Variants in FBN1 observed in about 807,000 individuals in gnomAD.
FBN1 encodes the protein fibrillin 1.
In FBN1, 29 loss-of-function variants were observed where a neutral mutation model predicts 365.1. That is an observed-to-expected ratio of 0.08 (90% CI 0.06 to 0.11). FBN1 has a LOEUF of 0.11. Ranked by LOEUF, FBN1 falls within the 10% of genes least tolerant of loss-of-function variation. The pLI is 1.00. For missense variants in FBN1, 2,476 were observed against 3,703.2 expected (o/e 0.67, Z 8.60); for synonymous variants, 1,210 against 1,270.5 (o/e 0.95, Z 1.01).
At chr15:48,606,922 T>C (rs996256215) in intron 4 of FBN1, among the ~76,000 whole-genome samples, 9 of 152,230 alleles carry the variant, frequency 5.9e-5, no homozygotes, top group African/African-American at 2.2e-4. Context: ...AGGAGTGGGT[T>C]GGTCATCTCG....
chr15:48,414,812 C>T (rs1041433675), intron 64 of FBN1, among the ~76,000 whole-genome samples: 3 of 151,046 alleles, frequency 2.0e-5, no homozygotes, highest in East Asian at 2.0e-4. Flanking sequence ...AGGAGAATCG[C>T]GTGAACCCGG....
At position 48,479,112 on chromosome 15, in the gene FBN1, G is replaced by T. The variant is rs16960993; in HGVS notation, c.3964+2543C>A. On this transcript the variant is annotated intron_variant, in intron 32 of 65. Coordinates refer to ENST00000316623, the MANE Select transcript of FBN1 (RefSeq NM_000138.5). ...ATACCTATCTCTACTTACATTAGTT[G>T]CCTGGAACATTATTAGCAAAGCCAT... Among the ~76,000 whole-genome samples the T allele has an allele frequency of 0.017, 2,606 of 152,206 alleles. 211 individuals carry two copies. In the East Asian group the frequency reaches 0.24, roughly 14 times the overall value.
At position 48,505,043 on chromosome 15, in the gene FBN1, C is replaced by T; in HGVS notation, c.1942G>A (p.Asp648Asn). Residue 648 changes from aspartate to asparagine, a missense_variant, in exon 16 of 66, where the codon GAT (aspartate) becomes AAT (asparagine). This residue lies in a region of FBN1 where 1,780 missense variants were observed against 2,840.8 expected (regional missense o/e 0.63). Transcript: ENST00000316623. Reference protein sequence around the residue: ...ECFPGLAVGLDGRVCVDTHMR... With the variant: ...ECFPGLAVGLNGRVCVDTHMR... ...TTCTTACCAACACACACACGGCCAT[C>T]CAGACCCACAGCCAGTCCAGGGAAG... 3 of 1,614,200 alleles carry T rather than the reference C, an allele frequency of 1.9e-6. No homozygotes were observed. Among genetic ancestry groups the T allele is most frequent in the Non-Finnish European group, 2.5e-6 (3 of 1,180,030 alleles).
In FBN1 at chr15:48,452,591, T is replaced by A. The variant is rs758725993; in HGVS notation, c.5516A>T (p.Tyr1839Phe). 1.2e-5 allele frequency: 19 copies of A among 1,614,048 alleles called. No homozygotes were observed. In the African/African-American group the frequency reaches 2.5e-4, roughly 22 times the overall value. The change falls in exon 45 of 66, where the codon TAC becomes TTC. Residue 1839 changes from tyrosine (Y) to phenylalanine (F), a missense_variant. Around this residue, in one of 5 missense-constraint regions of FBN1, gnomAD observed 1,780 missense variants for 2,840.8 expected, o/e 0.63. Transcript: ENST00000316623. ...GSYRCDCKPGYRFTSTGQCND... is the reference protein window; with the variant it reads ...GSYRCDCKPGFRFTSTGQCND... ...GCACTGTCCTGTGGAGGTGAAGCGG[T>A]AGCCGGGCTTACAGTCACAGCGGTA...
intron 2 of FBN1, among the ~76,000 whole-genome samples, chr15:48,632,480 C>T (rs776732674): frequency 4.6e-5 from 7 of 152,164 alleles, no homozygotes; most frequent in Non-Finnish European, 1.0e-4. Context: ...GTAATTTAAT[C>T]GCATTTACAA....
At chr15:48,539,529 A>C (rs538747206) in intron 6 of FBN1, among the ~76,000 whole-genome samples, 1 of 152,316 alleles carries the variant, frequency 6.6e-6, no homozygotes, top group East Asian at 1.9e-4. Context: ...AAACAGCATA[A>C]ATATATCAGA....
chr15:48,520,488 CT>C (rs199844620), intron 10 of FBN1, among the ~76,000 whole-genome samples, 170 bp downstream of exon 10: 4 of 151,438 alleles, frequency 2.6e-5, no homozygotes, highest in East Asian at 1.9e-4. Flanking sequence ...GTACAGACCC[CT>C]TTTTTTTTCC....
rs1363087788 is a variant in FBN1 at position 48,434,610 on chromosome 15, T to C, written c.6600A>G (p.Pro2200=). ...GAGATGTACCTTCACATGTCATCAT[T>C]GGACCGGGCTCAAATCCCTCCTCGC... The part of the protein sequence containing the change: ...CTCEEGFEPG[P]MMTCEDINEC... Residue 2200 remains proline, a synonymous_variant, in exon 54 of 66, where the codon CCA becomes CCG. Transcript: ENST00000316623. The C allele has an allele frequency of 1.2e-6, 2 of 1,613,814 alleles. No individual in the cohort carries two copies. The highest frequency in any genetic ancestry group is 8.5e-7 in the Non-Finnish European group (1 of 1,179,750).
In FBN1 at chr15:48,644,755, A is replaced by G. The variant is rs1371787168; in HGVS notation, c.15T>C (p.Arg5=). The G allele has an allele frequency of 1.2e-6, 2 of 1,611,176 alleles. No homozygotes were observed. Among genetic ancestry groups the G allele is most frequent in the African/African-American group, 2.7e-5 (2 of 75,018 alleles). MRRG[R]LLEIALGFTV... is the part of the protein sequence containing the mutation. The stretch of plus-strand genomic sequence containing the variant: ...TAAATCCCAGGGCGATCTCCAGCAG[A>G]CGCCCTCGACGCATGATGCCGAGCC... Residue 5 remains arginine (R), a synonymous_variant, in exon 2 of 66, where the codon CGT becomes CGC. Transcript: ENST00000316623.
intron 42 of FBN1, among the ~76,000 whole-genome samples, chr15:48,461,803 TAGTG>T (rs1331271004): frequency 4.6e-5 from 7 of 152,196 alleles, no homozygotes; most frequent in Non-Finnish European, 8.8e-5. Flanking sequence ...GGAAATAAAT[TAGTG>T]AGCTCTAAAA....
At chr15:48,547,599 A>G (rs2141369599) in intron 6 of FBN1, among the ~76,000 whole-genome samples, 1 of 152,308 alleles carries the variant, frequency 6.6e-6, no homozygotes, top group Middle Eastern at 3.4e-3. Flanking sequence ...AGACAGATAA[A>G]CGGCAGGGAG....
chr15:48,479,126 T>G (rs554198937), intron 32 of FBN1, among the ~76,000 whole-genome samples: 1 of 152,220 alleles, frequency 6.6e-6, no homozygotes, highest in East Asian at 1.9e-4. Flanking sequence ...GGAACATTAT[T>G]AGCAAAGCCA....
intron 9 of FBN1, among the ~76,000 whole-genome samples, chr15:48,523,148 G>T (rs186181755): frequency 1.7e-4 from 26 of 152,352 alleles, no homozygotes; most frequent in Admixed American, 1.5e-3. Context: ...AATGGGAAGA[G>T]ATATTCAAAA....
At chr15:48,585,563 C>G (rs1156637558) in intron 6 of FBN1, among the ~76,000 whole-genome samples, 1 of 152,162 alleles carries the variant, frequency 6.6e-6, no homozygotes, top group African/African-American at 2.4e-5. Flanking sequence ...TAAACACTCC[C>G]TCTCATCGAC....
intron 24 of FBN1, among the ~76,000 whole-genome samples, chr15:48,491,155 C>A (rs1187564046): frequency 6.6e-6 from 1 of 152,140 alleles, no homozygotes; most frequent in Non-Finnish European, 1.5e-5. Flanking sequence ...TCTTCCTAAA[C>A]AAATAAACTA....
At chr15:48,467,899 G>A in intron 38 of FBN1, 39 bp downstream of exon 38, 1 of 1,566,824 alleles carries the variant, frequency 6.4e-7, no homozygotes, top group Non-Finnish European at 8.8e-7. Context: ...AGAACTGGCT[G>A]GAGTTGAAAT....
intron 2 of FBN1, among the ~76,000 whole-genome samples, chr15:48,623,976 C>CAG (rs925341532): frequency 6.6e-6 from 1 of 151,340 alleles, no homozygotes; most frequent in Non-Finnish European, 1.5e-5. Context: ...CAAACACACA[C>CAG]ACACACACAC....
intron 9 of FBN1, among the ~76,000 whole-genome samples, chr15:48,524,168 T>C (rs550247053): frequency 1.2e-4 from 18 of 152,100 alleles, no homozygotes; most frequent in African/African-American, 4.1e-4. Flanking sequence ...ACAGGCAATA[T>C]TACAAATGCC....
intron 6 of FBN1, among the ~76,000 whole-genome samples, chr15:48,566,454 G>C (rs2140664286): frequency 6.6e-6 from 1 of 152,170 alleles, no homozygotes; most frequent in East Asian, 1.9e-4. Flanking sequence ...AGTTAAACAA[G>C]ACCCCCACCC....
Sources: gnomAD v4.1 joint callset for allele counts (sites outside exome capture counted in the v4.1 genomes callset) on GRCh38, gnomAD v4.1.1 for gene constraint, gnomAD v4.1.1 regional missense constraint, MANE v1.5 for transcripts, NCBI Gene and HGNC (gene_info 2026-07-23, HGNC 2026-07-21) for gene names.